The following CCBE1 variants were observed in gnomAD, a reference collection of about 807,000 sequenced individuals.
The protein encoded by CCBE1 is collagen and calcium binding EGF domains 1, also known as collagen and calcium-binding EGF domain-containing protein 1.
In CCBE1, 37 loss-of-function variants were observed where a neutral mutation model predicts 50.0. That is an observed-to-expected ratio of 0.74 (90% CI 0.57 to 0.97). The LOEUF is 0.97. CCBE1 is among the 50% of genes least tolerant of loss of function. The probability of loss-of-function intolerance (pLI) is 0.00; values close to 1 mark genes in which losing one functional copy is unlikely to be tolerated. For synonymous variants in CCBE1, 234 were observed against 203.7 expected (o/e 1.15, Z -1.27); for missense variants, 538 against 523.8 (o/e 1.03, Z -0.26).
intron 2 of CCBE1, among the ~76,000 whole-genome samples, chr18:59,488,050 C>A (rs557174984): frequency 9.9e-5 from 15 of 152,170 alleles, no homozygotes; most frequent in Admixed American, 6.5e-5. Context: ...CATGGATGAA[C>A]CTTGAAGACA....
chr18:59,597,911 A>G (rs375854745), intron 2 of CCBE1, among the ~76,000 whole-genome samples: 1 of 152,186 alleles, frequency 6.6e-6, no homozygotes, highest in East Asian at 1.9e-4. Flanking sequence ...CTTGAAGAAA[A>G]GGGTAAATAG....
rs543276952 is a variant in CCBE1, at chr18:59,517,128, T to C, written c.213-36890A>G. Among the ~76,000 whole-genome samples, 8 of 152,340 alleles carry C rather than the reference T, an allele frequency of 5.3e-5. No individual in the cohort carries two copies. The South Asian group carries it at 1.7e-3, about 32-fold the overall frequency. ...GGACAGGTCATTGGAGGTGGAATTCTGGTACTACACAAGTTATTTTTGACT... is the reference window on the plus strand; with the variant it reads ...GGACAGGTCATTGGAGGTGGAATTCCGGTACTACACAAGTTATTTTTGACT... On this transcript the variant is annotated intron_variant, in intron 2 of 10. Coordinates refer to ENST00000439986, the MANE Select transcript of CCBE1 (RefSeq NM_133459.4).
At chr18:59,662,124 G>T (rs1237050673) in intron 2 of CCBE1, among the ~76,000 whole-genome samples, 1 of 152,138 alleles carries the variant, frequency 6.6e-6, no homozygotes, top group Non-Finnish European at 1.5e-5. Flanking sequence ...ACTGCTCTTG[G>T]GGGCCATTTT....
chr18:59,617,668 ATACACACC>A (rs1428644481), intron 2 of CCBE1, among the ~76,000 whole-genome samples: 4 of 152,192 alleles, frequency 2.6e-5, no homozygotes, highest in Non-Finnish European at 4.4e-5. Context: ...TTGACTCAGG[ATACACACC>A]TTTTCCTGGA....
At chr18:59,652,918 C>T (rs933941629) in intron 2 of CCBE1, among the ~76,000 whole-genome samples, 35 of 151,634 alleles carry the variant, frequency 2.3e-4, no homozygotes, top group Non-Finnish European at 8.8e-5. Context: ...GAACCGAGAA[C>T]GCACCACTGC....
chr18:59,438,274 G>A, intron 9 of CCBE1, 128 bp from the exon 10 acceptor site: 2 of 868,470 alleles, frequency 2.3e-6, no homozygotes, highest in South Asian at 1.4e-5. Flanking sequence ...GAAAACATAT[G>A]TAAAACTGAG....
intron 2 of CCBE1, among the ~76,000 whole-genome samples, chr18:59,676,703 C>A (rs117727607): frequency 2.6e-5 from 4 of 152,278 alleles, no homozygotes; most frequent in South Asian, 4.1e-4. Context: ...AAAGTACAAG[C>A]AATTTTAAGT....
chr18:59,665,781 A>G (rs935192136), intron 2 of CCBE1, among the ~76,000 whole-genome samples: 2 of 152,206 alleles, frequency 1.3e-5, no homozygotes, highest in Admixed American at 6.5e-5. Flanking sequence ...CTGCTCACCA[A>G]GAGCAGAGCA....
At chr18:59,517,726 G>A (rs777806125) in intron 2 of CCBE1, among the ~76,000 whole-genome samples, 23 of 152,076 alleles carry the variant, frequency 1.5e-4, no homozygotes, top group Admixed American at 3.9e-4. Flanking sequence ...AGGACACAAA[G>A]CAGCAAGTTT....
intron 2 of CCBE1, among the ~76,000 whole-genome samples, chr18:59,693,513 T>A (rs1425762928): frequency 6.6e-6 from 1 of 152,106 alleles, no homozygotes; most frequent in Non-Finnish European, 1.5e-5. Context: ...TTGAAGAACA[T>A]GGTTAAATCT....
intron 2 of CCBE1, among the ~76,000 whole-genome samples, chr18:59,536,646 A>G (rs945591628): frequency 3.0e-4 from 45 of 152,178 alleles, no homozygotes; most frequent in Non-Finnish European, 1.3e-4. Context: ...CCATGAAAAC[A>G]ACACGTATTC....
chr18:59,589,562 G>A (rs999293120), intron 2 of CCBE1, among the ~76,000 whole-genome samples: 8 of 152,096 alleles, frequency 5.3e-5, no homozygotes, highest in South Asian at 4.2e-4. Context: ...TTGGGAGGCC[G>A]AGGTGGGTGG....
intron 2 of CCBE1, among the ~76,000 whole-genome samples, chr18:59,582,127 C>G (rs2053093356): frequency 6.6e-6 from 1 of 152,170 alleles, no homozygotes; most frequent in Admixed American, 6.5e-5. Flanking sequence ...TGCTCCTGTA[C>G]CCTCCGGAAA....
In CCBE1 at chr18:59,625,442, A is replaced by T. The variant is rs7232609; in HGVS notation, c.212+71187T>A. On this transcript the variant is annotated intron_variant, in intron 2 of 10. Transcript: ENST00000439986. ...TGAGATTCTGTCTCAAAAAAAAAAA[A>T]AAAAAAAAAAAATTGTAGCCATATA... Among the ~76,000 whole-genome samples the T allele has an allele frequency of 9.8e-4, 144 of 147,392 alleles. 1 individual carries two copies. Among genetic ancestry groups the T allele is most frequent in the African/African-American group, 1.4e-3 (54 of 39,812 alleles).
intron 2 of CCBE1, among the ~76,000 whole-genome samples, chr18:59,650,313 A>C (rs1401490032): frequency 6.6e-6 from 1 of 151,036 alleles, no homozygotes; most frequent in Non-Finnish European, 1.5e-5. Flanking sequence ...CAGCACACCC[A>C]AAAAGCAGCA....
intron 2 of CCBE1, among the ~76,000 whole-genome samples, chr18:59,591,785 C>A (rs930439953): frequency 4.6e-5 from 7 of 152,218 alleles, no homozygotes; most frequent in African/African-American, 7.2e-5. Flanking sequence ...TACCTCTTGA[C>A]CCCAGCAGTC....
At chr18:59,566,514 G>A (rs886965504) in intron 2 of CCBE1, among the ~76,000 whole-genome samples, 11 of 152,196 alleles carry the variant, frequency 7.2e-5, no homozygotes, top group East Asian at 1.9e-4. Flanking sequence ...ACTTTAAATC[G>A]CCAGATTTAT....
intron 2 of CCBE1, among the ~76,000 whole-genome samples, chr18:59,577,151 G>A (rs1478402582): frequency 1.3e-5 from 2 of 152,242 alleles, no homozygotes; most frequent in African/African-American, 4.8e-5. Flanking sequence ...TGTCTTGGAT[G>A]TGGAAGAAAA....
At chr18:59,536,233 T>C (rs914042325) in intron 2 of CCBE1, among the ~76,000 whole-genome samples, 2 of 152,226 alleles carry the variant, frequency 1.3e-5, no homozygotes, top group African/African-American at 4.8e-5. Flanking sequence ...TCTTCTCATC[T>C]GGTGTGCAAG....
Sources: gnomAD v4.1 joint callset for allele counts (sites outside exome capture counted in the v4.1 genomes callset) on GRCh38, gnomAD v4.1.1 for gene constraint, MANE v1.5 for transcripts, NCBI Gene and HGNC (gene_info 2026-07-23, HGNC 2026-07-21) for gene names.